Variants in KPNA4 observed in about 807,000 individuals in gnomAD.
KPNA4 encodes karyopherin subunit alpha 4.
KPNA4 carries 13 observed loss-of-function variants against 71.3 expected under a neutral mutation model. That is an observed-to-expected ratio of 0.18 (90% CI 0.12 to 0.29). The LOEUF (loss-of-function observed/expected upper bound fraction) is 0.29, where lower values mean the gene tolerates loss of function less well. Among genes scored for constraint, KPNA4 ranks in the 10% least tolerant of loss-of-function variants. The pLI, the probability that KPNA4 is intolerant of heterozygous loss-of-function variation, is 1.00. For synonymous variants in KPNA4, 189 were observed against 195.2 expected, an observed-to-expected ratio of 0.97 and a Z score of 0.26; for missense variants, 334 against 603.2, an observed-to-expected ratio of 0.55 and a Z score of 4.67.
At chr3:160,535,995 T>G in intron 2 of KPNA4, 98 bp from the exon 3 acceptor site, 3 of 940,768 alleles carry the variant, frequency 3.2e-6, no homozygotes, top group Non-Finnish European at 4.2e-6. Flanking sequence ...ATCCTGTGCC[T>G]AAAAACTGAA....
At chr3:160,542,546 A>C (rs1052076411) in intron 1 of KPNA4, among the ~76,000 whole-genome samples, 10 of 152,184 alleles carry the variant, frequency 6.6e-5, no homozygotes, top group African/African-American at 2.4e-4. Flanking sequence ...TAAGGATAAA[A>C]ACCCATATTA....
At chr3:160,561,878 G>A (rs1477856263) in intron 1 of KPNA4, among the ~76,000 whole-genome samples, 1 of 151,942 alleles carries the variant, frequency 6.6e-6, no homozygotes, top group Non-Finnish European at 1.5e-5. Context: ...GTGATAAAAC[G>A]CTCAGAGAAT....
At chr3:160,561,916 T>C (rs1479539948) in intron 1 of KPNA4, among the ~76,000 whole-genome samples, 2 of 152,090 alleles carry the variant, frequency 1.3e-5, no homozygotes, top group East Asian at 3.8e-4. Flanking sequence ...ACATTACCTA[T>C]TAATCTTCAC....
At chr3:160,512,074 T>G (rs1002988601) in intron 13 of KPNA4, among the ~76,000 whole-genome samples, 2 of 152,198 alleles carry the variant, frequency 1.3e-5, no homozygotes, top group Non-Finnish European at 2.9e-5. Flanking sequence ...TGCCTATCAT[T>G]TATTTTGTTG....
rs183533358 is a variant in KPNA4, at chr3:160,543,797, A to G, written c.70-6957T>C. The stretch of plus-strand genomic sequence containing the variant: ...TCTGGTACAGTTGCTTGGTGTTTTC[A>G]TATCTTGCACTTCTCTTGCCTTAAG... On this transcript the variant is annotated intron_variant, in intron 1 of 16. Transcript: ENST00000334256. Among the ~76,000 whole-genome samples the G allele has an allele frequency of 1.3e-3, 202 of 152,238 alleles. 2 individuals carry two copies. The highest frequency in any genetic ancestry group is 1.7e-3 in the Non-Finnish European group (114 of 68,016).
intron 5 of KPNA4, among the ~76,000 whole-genome samples, chr3:160,532,134 A>G (rs1438777195): frequency 6.6e-6 from 1 of 152,258 alleles, no homozygotes. Flanking sequence ...TTCCCTCAGT[A>G]AAGTCCTGAT....
At chr3:160,551,510 A>G (rs1300240700) in intron 1 of KPNA4, among the ~76,000 whole-genome samples, 1 of 152,212 alleles carries the variant, frequency 6.6e-6, no homozygotes, top group Non-Finnish European at 1.5e-5. Flanking sequence ...AGGTGTTTCC[A>G]GGAGAGACCC....
In KPNA4 at chr3:160,496,191, G is replaced by A. The variant is rs536459352; in HGVS notation, c.*5913C>T. The A allele has an allele frequency of 4.1e-4, 62 of 152,610 alleles. 2 individuals are homozygous for A. In the South Asian group the frequency reaches 0.012, roughly 29 times the overall value. The allele number at this position is 152,610 out of a possible 1,614,324, so 9.5% of individuals were successfully genotyped here. A position where few individuals can be genotyped will look rare whatever the true frequency, so the allele number is the denominator to read the frequency against. On this transcript the variant is annotated 3_prime_UTR_variant, in exon 17 of 17. Transcript: ENST00000334256. ...TGGTCCCAGCTACTCAGGAGGCTGA[G>A]GCAGGAGAATCGCTTGAACCTAGGA...
intron 16 of KPNA4, 100 bp from the exon 17 acceptor site, chr3:160,502,302 G>T: frequency 2.3e-6 from 1 of 444,078 alleles, no homozygotes; most frequent in Non-Finnish European, 3.9e-6. Flanking sequence ...AAGGTCTGGA[G>T]AGATGATGAA....
intron 15 of KPNA4, among the ~76,000 whole-genome samples, chr3:160,505,960 G>A (rs964797507): frequency 3.3e-5 from 5 of 152,012 alleles, no homozygotes; most frequent in South Asian, 2.1e-4. Flanking sequence ...TCATTTAAAC[G>A]GTTCATCCTA....
intron 11 of KPNA4, among the ~76,000 whole-genome samples, chr3:160,518,869 A>AC (rs1721288675): frequency 1.3e-5 from 2 of 152,196 alleles, no homozygotes; most frequent in African/African-American, 4.8e-5. Context: ...ACACACACAC[A>AC]AAAAAAGTAA....
intron 16 of KPNA4, 35 bp from the exon 17 acceptor site, chr3:160,502,237 A>C (rs764378471): frequency 2.2e-5 from 26 of 1,207,842 alleles, no homozygotes; most frequent in African/African-American, 6.0e-5. Context: ...TGTGATAATT[A>C]GTTTTAAAAT....
In KPNA4 at chr3:160,496,105, T is replaced by C. The variant is rs1203688910; in HGVS notation, c.*5999A>G. 6.6e-6 allele frequency: 1 copy of C among 151,996 alleles called. No individual in the cohort carries two copies. The highest frequency in any genetic ancestry group is 2.4e-5 in the African/African-American group (1 of 41,352). The allele number at this position is 151,996 out of a possible 1,614,324, so 9.4% of individuals were successfully genotyped here. A position where few individuals can be genotyped will look rare whatever the true frequency, so the allele number is the denominator to read the frequency against. On this transcript the variant is annotated 3_prime_UTR_variant, in exon 17 of 17. Coordinates refer to ENST00000334256, the MANE Select transcript of KPNA4 (RefSeq NM_002268.5). ...GAGTTCGAGACCAGCCTGGCCAACG[T>C]GGTGAAACCCCATCTCTACTAAAAA...
At position 160,502,053 on chromosome 3, in the gene KPNA4, T is replaced by C. The variant is rs772547980; in HGVS notation, c.*51A>G. 13 of 628,510 alleles carry C rather than the reference T, an allele frequency of 2.1e-5. No individual in the cohort carries two copies. Among genetic ancestry groups the C allele is most frequent in the African/African-American group, 3.7e-5 (2 of 53,616 alleles). 38.9% of individuals were successfully genotyped at this position (628,510 alleles called of 1,614,324 possible). A position where few individuals can be genotyped will look rare whatever the true frequency, so the allele number is the denominator to read the frequency against. On this transcript the variant is annotated 3_prime_UTR_variant, in exon 17 of 17. Coordinates refer to ENST00000334256, the MANE Select transcript of KPNA4 (RefSeq NM_002268.5). ...ATATATATATATACACACACACATATATATATATATATCTCAGTGCTGCAT... is the reference window on the plus strand; with the variant it reads ...ATATATATATATACACACACACATACATATATATATATCTCAGTGCTGCAT...
intron 5 of KPNA4, among the ~76,000 whole-genome samples, chr3:160,535,129 T>C (rs1286533117): frequency 1.3e-5 from 2 of 152,202 alleles, no homozygotes; most frequent in Non-Finnish European, 2.9e-5. Context: ...AGAATTAAGA[T>C]ACCTGGTAAG....
intron 8 of KPNA4, 66 bp from the exon 9 acceptor site, chr3:160,526,173 A>T: frequency 5.9e-6 from 7 of 1,177,918 alleles, no homozygotes; most frequent in Non-Finnish European, 8.1e-6. Context: ...CAGAAAACAC[A>T]AAGCACTGGG....
intron 1 of KPNA4, among the ~76,000 whole-genome samples, chr3:160,557,917 A>C (rs1344703794): frequency 6.6e-6 from 1 of 152,176 alleles, no homozygotes; most frequent in East Asian, 1.9e-4. Context: ...CCCAGTATCA[A>C]GCAATCCTCC....
At chr3:160,561,594 G>A (rs977506333) in intron 1 of KPNA4, among the ~76,000 whole-genome samples, 1 of 152,018 alleles carries the variant, frequency 6.6e-6, no homozygotes, top group African/African-American at 2.4e-5. Flanking sequence ...GTAGAGAGAG[G>A]TAGGAACAAA....
intron 15 of KPNA4, among the ~76,000 whole-genome samples, chr3:160,506,704 T>C (rs1201689793): frequency 1.3e-5 from 2 of 152,202 alleles, no homozygotes; most frequent in Non-Finnish European, 2.9e-5. Flanking sequence ...AATTAAAATG[T>C]TTACAAGTTA....
Sources: allele counts gnomAD v4.1 joint callset (sites outside exome capture counted in the v4.1 genomes callset), GRCh38; gene constraint gnomAD v4.1.1; transcripts MANE v1.5; gene names NCBI Gene and HGNC (gene_info 2026-07-23, HGNC 2026-07-21).